TPM4: variants seen among roughly 807,000 people sequenced by gnomAD.
The protein encoded by TPM4 is tropomyosin 4, also known as tropomyosin alpha-4 chain.
In TPM4, 17 loss-of-function variants were observed where a neutral mutation model predicts 35.8. That is an observed-to-expected ratio of 0.47 (90% CI 0.32 to 0.71). The LOEUF (loss-of-function observed/expected upper bound fraction) is 0.71. TPM4 is among the 30% of genes least tolerant of loss of function. The pLI, the probability that TPM4 is intolerant of heterozygous loss-of-function variation, is 0.03. For synonymous variants in TPM4, 120 were observed against 122.9 expected (o/e 0.98, Z 0.15); for missense variants, 240 against 320.9 (o/e 0.75, Z 1.93).
At chr19:16,088,935 C>G in intron 4 of TPM4, 110 bp from the exon 5 acceptor site, 1 of 1,553,510 alleles carries the variant, frequency 6.4e-7, no homozygotes, top group East Asian at 2.4e-5. Flanking sequence ...CTGCCCCCCA[C>G]CGGGGGAGCT....
At chr19:16,101,143 C>A in intron 7 of TPM4, 121 bp from the exon 8 acceptor site, 1 of 787,330 alleles carries the variant, frequency 1.3e-6, no homozygotes, top group Non-Finnish European at 1.9e-6. Context: ...TGCACTCCAG[C>A]CTGGGTGACA....
chr19:16,089,001 C>T, intron 4 of TPM4, 44 bp from the exon 5 acceptor site: 1 of 1,612,780 alleles, frequency 6.2e-7, no homozygotes, highest in Non-Finnish European at 8.5e-7. Flanking sequence ...TTATTGCCGG[C>T]TGTAAGGGAA....
At chr19:16,090,132 A>C (rs1472022194) in intron 5 of TPM4, among the ~76,000 whole-genome samples, 2 of 150,688 alleles carry the variant, frequency 1.3e-5, no homozygotes, top group African/African-American at 2.4e-5. Flanking sequence ...CACCTGGCCT[A>C]GAGATGAGAT....
intron 1 of TPM4, chr19:16,076,987 G>A (rs1022921871): frequency 4.7e-6 from 2 of 430,050 alleles, no homozygotes; most frequent in East Asian, 1.1e-4. Context: ...GCGATCTCCG[G>A]GTGGAGAAGT....
rs533032636 is a variant in TPM4 at position 16,088,132 on chromosome 19, C to T, written c.455+35C>T. ...AGAACAGGACTGAGCGAGGCTGGCT[C>T]GATTCCTGGGGCGGAGTGGGAAGGA... is the stretch of plus-strand genomic sequence containing the variant. On this transcript the variant is annotated intron_variant, in intron 4 of 7. Coordinates refer to ENST00000643579, the MANE Select transcript of TPM4 (RefSeq NM_003290.3). 38 of 1,594,378 alleles carry T rather than the reference C, an allele frequency of 2.4e-5. No homozygotes were observed. The South Asian group carries it at 3.1e-4, about 13-fold the overall frequency.
chr19:16,073,938 T>TAAAAA (rs71178637), upstream of TPM4, among the ~76,000 whole-genome samples: 1,200 of 35,644 alleles, frequency 0.034, 71 homozygotes, highest in Admixed American at 0.051. Context: ...GAAGACCATG[T>TAAAAA]AAAAAAAAAA....
chr19:16,096,936 CTTTTTTTTTTT>C lies in TPM4; in HGVS notation c.664+3207_664+3217del, dbSNP rs71178641. 2.9e-3 allele frequency among the ~76,000 whole-genome samples: 200 copies of C among 69,034 alleles called. 1 individual carries two copies. The highest frequency in any genetic ancestry group is 0.01 in the African/African-American group (185 of 18,006). The allele number at this position is 69,034 out of a possible 152,430, so 45.3% of individuals were successfully genotyped here. A position where few individuals can be genotyped will look rare whatever the true frequency, so the allele number is the denominator to read the frequency against. On this transcript the variant is annotated intron_variant, in intron 7 of 7. Coordinates refer to ENST00000643579, the MANE Select transcript of TPM4 (RefSeq NM_003290.3). ...GGAATATGGAGAAAACAAGGTCACT[CTTTTTTTTTTT>C]TTTTTTTTTTTTTTTTTTTTTTTCA...
chr19:16,076,007 C>T, upstream of TPM4: 1 of 1,539,996 alleles, frequency 6.5e-7, no homozygotes, highest in South Asian at 1.2e-5. Context: ...GACGTGACCC[C>T]CCCCCCAGGC....
In TPM4 at chr19:16,086,499, G is replaced by T. The variant is rs552278855; in HGVS notation, c.343G>T (p.Ala115Ser). Residue 115 changes from alanine (A) to serine (S), a missense_variant, in exon 3 of 8, where the codon GCC (alanine) becomes TCC (serine). Transcript: ENST00000643579. ...MEIQEMQLKE[A>S]KHIAEEADRK... ...GATTCAGGAGATGCAGCTCAAAGAG[G>T]CCAAGCACATTGCGGAAGAGGCTGA... 2.5e-6 allele frequency: 4 copies of T among 1,614,050 alleles called. No individual in the cohort carries two copies. The Admixed American group carries it at 6.7e-5, about 27-fold the overall frequency.
At chr19:16,098,553 A>G (rs1599386004) in intron 7 of TPM4, among the ~76,000 whole-genome samples, 1 of 152,222 alleles carries the variant, frequency 6.6e-6, no homozygotes, top group Non-Finnish European at 1.5e-5. Context: ...TAACACTTTC[A>G]GGGAAAGTCA....
At chr19:16,075,698 C>T, upstream of TPM4, 1 of 212,674 alleles carries the variant, frequency 4.7e-6, no homozygotes, top group Non-Finnish European at 9.5e-6. Flanking sequence ...GATTGCTTAA[C>T]TCCAGATCAT....
intron 1 of TPM4, chr19:16,080,363 G>C: frequency 4.8e-6 from 1 of 206,700 alleles, no homozygotes; most frequent in Non-Finnish European, 9.9e-6. Flanking sequence ...GTGGCAGTAA[G>C]AGATGCCTTT....
In TPM4 at chr19:16,067,588, G is replaced by A. The variant is rs1359483049; in HGVS notation, c.-37G>A. The A allele has an allele frequency of 2.5e-6, 4 of 1,591,760 alleles. No homozygotes were observed. Among genetic ancestry groups the A allele is most frequent in the Admixed American group, 1.7e-5 (1 of 58,656 alleles). On this transcript the variant is annotated 5_prime_UTR_variant, in exon 2 of 3. Transcript: ENST00000589897. The surrounding 1 kb of genome is among the most constrained non-coding windows in gnomAD (Gnocchi z 4.1). ...GACTGCCGCAGCCCCCACAGAGCCC[G>A]CCGCGCACCCCACGTCCCCCACGCC... is the stretch of plus-strand genomic sequence containing the variant.
At chr19:16,088,738 G>C (rs556491994) in intron 4 of TPM4, 1 of 1,125,082 alleles carries the variant, frequency 8.9e-7, no homozygotes, top group African/African-American at 1.6e-5. Flanking sequence ...TTCCGGAGTC[G>C]GCCTCATCAA....
upstream of TPM4, chr19:16,076,112 T>A: frequency 6.3e-7 from 1 of 1,597,728 alleles, no homozygotes; most frequent in East Asian, 2.3e-5. Flanking sequence ...TGGATAAATA[T>A]TCCGAGGACC....
At chr19:16,096,926 C>A (rs2090704853) in intron 7 of TPM4, among the ~76,000 whole-genome samples, 1 of 119,698 alleles carries the variant, frequency 8.4e-6, no homozygotes. Context: ...ATGGAGAAAA[C>A]AAGGTCACTC....
rs1466760124 is a variant in TPM4, at chr19:16,080,415, T to G, written c.133-1498T>G. 3 of 201,210 alleles carry G rather than the reference T, an allele frequency of 1.5e-5. No homozygotes were observed. The East Asian group carries it at 2.3e-4, about 15-fold the overall frequency. 12.5% of individuals were successfully genotyped at this position (201,210 alleles called of 1,614,324 possible). On this transcript the variant is annotated intron_variant, in intron 1 of 7. Coordinates refer to ENST00000643579, the MANE Select transcript of TPM4 (RefSeq NM_003290.3). Reference sequence around the variant, plus strand: ...CTGCTGGGCATAAGCGGCGCCACCCTCTGGAGTTACAGCCTCAAGGCAGTC... The same window carrying G: ...CTGCTGGGCATAAGCGGCGCCACCCGCTGGAGTTACAGCCTCAAGGCAGTC...
intron 7 of TPM4, among the ~76,000 whole-genome samples, chr19:16,096,440 G>A (rs2090698246): frequency 6.6e-6 from 1 of 152,210 alleles, no homozygotes; most frequent in Non-Finnish European, 1.5e-5. Context: ...CAGCTTAAGA[G>A]TCAACAGGGA....
Position 16,070,007 on chromosome 19 carries a change from G to T in TPM4, c.114+2269G>T, listed in dbSNP as rs1242058887. ...CACGGCATGTGTGTGTGTGTGTGTGGTGGGGGCCCAGGGCTGTGACCTGCT... is the reference window on the plus strand; with the variant it reads ...CACGGCATGTGTGTGTGTGTGTGTGTTGGGGGCCCAGGGCTGTGACCTGCT... On this transcript the variant is annotated intron_variant, in intron 2 of 2. Transcript: ENST00000589897. This position sits in a 1 kb window ranked among gnomAD's most constrained non-coding sequence, Gnocchi z 7.4. 6.6e-6 allele frequency among the ~76,000 whole-genome samples: 1 copy of T among 151,704 alleles called. No individual in the cohort carries two copies. Among genetic ancestry groups the T allele is most frequent in the Non-Finnish European group, 1.5e-5 (1 of 67,956 alleles).
Sources: gnomAD v4.1 joint callset for allele counts (sites outside exome capture counted in the v4.1 genomes callset) on GRCh38, gnomAD v4.1.1 for gene constraint, Gnocchi (gnomAD v3.1) non-coding constraint, MANE v1.5 for transcripts, NCBI Gene and HGNC (gene_info 2026-07-23, HGNC 2026-07-21) for gene names.